MAP9: variants seen among roughly 807,000 people sequenced by gnomAD.
MAP9 encodes microtubule associated protein 9.
Under a neutral mutation model 75.2 loss-of-function variants are expected in MAP9, and 80 were observed. The observed-to-expected ratio is 1.06, with a 90% CI of 0.89 to 1.28. The LOEUF is 1.28. Ranked by LOEUF, MAP9 falls within the 50% of genes most tolerant of loss-of-function variation. The pLI is 0.00. For synonymous variants in MAP9, 235 were observed against 237.3 expected (o/e 0.99, Z 0.09); for missense variants, 753 against 719.9 (o/e 1.05, Z -0.53).
chr4:155,351,148 G>A (rs530982920), intron 13 of MAP9: 1 of 151,902 alleles, frequency 6.6e-6, no homozygotes, highest in East Asian at 1.9e-4. Context: ...TGTGGCACTG[G>A]AATCACGAGA....
At chr4:155,375,488 CATT>C (rs1560820432) in intron 2 of MAP9, among the ~76,000 whole-genome samples, 1 of 151,738 alleles carries the variant, frequency 6.6e-6, no homozygotes, top group Non-Finnish European at 1.5e-5. Flanking sequence ...AAAACTTAAA[CATT>C]ATGTTACAAC....
chr4:155,352,979 T>C lies in MAP9; in HGVS notation c.1621A>G (p.Lys541Glu), dbSNP rs943938136. Residue 541 changes from lysine (K) to glutamate (E), a missense_variant, in exon 12 of 14, where the codon AAG (lysine) becomes GAG (glutamate). Physicochemically the swap from Lys to Glu is moderately conservative, Grantham distance 56 (BLOSUM62 1). Transcript: ENST00000311277. Reference protein sequence around the residue: ...NRKEREYERAKKQKEEETVAE... With the variant: ...NRKEREYERAEKQKEEETVAE... ...ACAGTTTCCTCCTCTTTCTGTTTCT[T>C]TGCTCTTTCATATTCTCTCTCCTTT... 2 of 1,544,172 alleles carry C rather than the reference T, an allele frequency of 1.3e-6. No homozygotes were observed. Among genetic ancestry groups the C allele is most frequent in the Non-Finnish European group, 1.8e-6 (2 of 1,139,830 alleles).
At chr4:155,357,874 A>G (rs1332650549) in intron 7 of MAP9, among the ~76,000 whole-genome samples, 2 of 152,130 alleles carry the variant, frequency 1.3e-5, no homozygotes, top group Non-Finnish European at 2.9e-5. Flanking sequence ...CGAAAGGTCT[A>G]TGAAAGAAAG....
intron 5 of MAP9, chr4:155,367,438 C>T (rs1465340120): frequency 6.6e-6 from 1 of 152,040 alleles, no homozygotes; most frequent in Non-Finnish European, 1.5e-5. Context: ...GGAAAATGGC[C>T]CTGCAAACAC....
chr4:155,358,216 A>C (rs951651351), intron 7 of MAP9, among the ~76,000 whole-genome samples: 8 of 152,202 alleles, frequency 5.3e-5, no homozygotes, highest in African/African-American at 1.9e-4. Flanking sequence ...TCTAATTTAG[A>C]ATTGCCTCTA....
intron 13 of MAP9, 152 bp downstream of exon 13, chr4:155,352,444 T>A (rs141110344): frequency 2.9e-6 from 2 of 688,998 alleles, no homozygotes; most frequent in Non-Finnish European, 4.8e-6. Flanking sequence ...AAAGAAAATA[T>A]GCTATATGCA....
rs559552559 is a variant in MAP9 at position 155,373,017 on chromosome 4, G to A, written c.481+119C>T. 4.8e-6 allele frequency: 3 copies of A among 630,366 alleles called. No homozygotes were observed. In the African/African-American group the frequency reaches 5.7e-5, roughly 12 times the overall value. The allele number at this position is 630,366 out of a possible 1,614,324, so 39.0% of individuals were successfully genotyped here. ...ACAAAATACAACAGGTCTGTAAAAT[G>A]GAAGTTAAGTCTGTCTTTTTTTCTT... On this transcript the variant is annotated intron_variant, in intron 4 of 13. Transcript: ENST00000311277.
At chr4:155,347,947 G>T in intron 13 of MAP9, 42 bp from the exon 14 acceptor site, 2 of 1,218,700 alleles carry the variant, frequency 1.6e-6, no homozygotes, top group Non-Finnish European at 2.3e-6. Context: ...GTACATATAT[G>T]ATTATTATTT....
In MAP9 at chr4:155,346,043, A is replaced by G. The variant is rs570964351; in HGVS notation, c.*1740T>C. ...AGTATTACAGTTCTGGCCATATAGA[A>G]AGGGTTCTAGTTTTATCTATGAAAT... On this transcript the variant is annotated 3_prime_UTR_variant, in exon 14 of 14. Transcript: ENST00000311277. 3 of 152,300 alleles carry G rather than the reference A, an allele frequency of 2.0e-5. 1 individual carries two copies. The South Asian group carries it at 6.2e-4, about 32-fold the overall frequency. The allele number at this position is 152,300 out of a possible 1,614,324, so 9.4% of individuals were successfully genotyped here.
rs1731610562 is a variant in MAP9, at chr4:155,353,359, T to G, written c.1381-19A>C. ...CTTTTTTCTACAGTGGAAAAAATAA[T>G]AGAGTGATATACATATATATGTATA... is the stretch of plus-strand genomic sequence containing the variant. On this transcript the variant is annotated intron_variant, in intron 10 of 13. Transcript: ENST00000311277. The G allele has an allele frequency of 1.9e-6, 3 of 1,544,034 alleles. No homozygotes were observed. The highest frequency in any genetic ancestry group is 1.7e-6 in the Non-Finnish European group (2 of 1,155,642).
intron 5 of MAP9, among the ~76,000 whole-genome samples, chr4:155,365,763 G>C (rs966170079): frequency 6.6e-6 from 1 of 151,406 alleles, no homozygotes. Context: ...ATAACCAACT[G>C]GTCAAAAAAG....
chr4:155,347,810 G>T lies in MAP9; in HGVS notation c.1917C>A (p.Ser639Arg). The T allele has an allele frequency of 6.2e-7, 1 of 1,610,572 alleles. No homozygotes were observed. Among genetic ancestry groups the T allele is most frequent in the Non-Finnish European group, 8.5e-7 (1 of 1,178,390 alleles). The change falls in exon 14 of 14, where the codon AGC (serine) becomes AGA (arginine). Residue 639 changes from serine to arginine, a missense_variant. Coordinates refer to ENST00000311277, the MANE Select transcript of MAP9 (RefSeq NM_001039580.2). The part of the protein sequence containing the change: ...SEALPPWSPP[S>R]RTVFAKVF ...AAAACACTTTTGCGAACACAGTTCT[G>T]CTTGGAGGGCTCCACGGAGGAAGTG...
chr4:155,368,138 A>G (rs922497832), intron 5 of MAP9: 11 of 196,276 alleles, frequency 5.6e-5, no homozygotes, highest in Non-Finnish European at 1.1e-4. Flanking sequence ...TTCAACACAC[A>G]TTTGTTGAGT....
rs1732425104 is a variant in MAP9, at chr4:155,368,427, C to T, written c.708+159G>A. On this transcript the variant is annotated intron_variant, in intron 5 of 13. Coordinates refer to ENST00000311277, the MANE Select transcript of MAP9 (RefSeq NM_001039580.2). ...ATGCAGTTTTAGACTCGGTGGAATA[C>T]AGTGTATTTTTAAAAATTATTTCCT... The T allele has an allele frequency of 6.1e-6, 4 of 658,536 alleles. No homozygotes were observed. The East Asian group carries it at 1.1e-4, about 18-fold the overall frequency. The allele number at this position is 658,536 out of a possible 1,614,324, so 40.8% of individuals were successfully genotyped here. A position where few individuals can be genotyped will look rare whatever the true frequency, so the allele number is the denominator to read the frequency against.
intron 4 of MAP9, among the ~76,000 whole-genome samples, chr4:155,372,804 A>T (rs754258591): frequency 2.6e-5 from 4 of 152,218 alleles, no homozygotes; most frequent in Non-Finnish European, 4.4e-5. Context: ...ACACCTACAA[A>T]CAAAACTGAA....
chr4:155,355,748 T>C lies in MAP9; in HGVS notation c.1258A>G (p.Arg420Gly). ...PSQKQSIEPDRADNIRAAVYQ... is the reference protein window; with the variant it reads ...PSQKQSIEPDGADNIRAAVYQ... ...ACAGCTGCCCTTATGTTATCTGCTCTATCAGGTTCTATGCTCTGTTTCTGT... is the reference window on the plus strand; with the variant it reads ...ACAGCTGCCCTTATGTTATCTGCTCCATCAGGTTCTATGCTCTGTTTCTGT... The change falls in exon 9 of 14, where the codon AGA becomes GGA. Residue 420 changes from arginine (R) to glycine (G), a missense_variant. Transcript: ENST00000311277. 1 of 1,613,438 alleles carries C rather than the reference T, an allele frequency of 6.2e-7. No individual in the cohort carries two copies. Among genetic ancestry groups the C allele is most frequent in the Non-Finnish European group, 8.5e-7 (1 of 1,179,782 alleles).
intron 10 of MAP9, among the ~76,000 whole-genome samples, chr4:155,354,527 G>A (rs1399823353): frequency 1.4e-5 from 2 of 138,690 alleles, no homozygotes; most frequent in East Asian, 2.3e-4. Flanking sequence ...ACAGTGGCAC[G>A]ATCTCAGCTA....
intron 13 of MAP9, 35 bp from the exon 14 acceptor site, chr4:155,347,940 C>T (rs1032765979): frequency 8.0e-7 from 1 of 1,254,066 alleles, no homozygotes; most frequent in Non-Finnish European, 1.1e-6. Context: ...AATTTATGTA[C>T]ATATATGATT....
intron 7 of MAP9, among the ~76,000 whole-genome samples, chr4:155,358,979 G>A (rs1278011511): frequency 6.6e-6 from 1 of 152,066 alleles, no homozygotes; most frequent in Non-Finnish European, 1.5e-5. Flanking sequence ...TGGTAAGAAT[G>A]TAAATTAGTA....
Sources: gnomAD v4.1 joint callset for allele counts (sites outside exome capture counted in the v4.1 genomes callset) on GRCh38, gnomAD v4.1.1 for gene constraint, MANE v1.5 for transcripts, NCBI Gene and HGNC (gene_info 2026-07-23, HGNC 2026-07-21) for gene names.